SLC39A11: variants seen among roughly 807,000 people sequenced by gnomAD.
The protein encoded by SLC39A11 is zinc transporter ZIP11.
In SLC39A11, 33 loss-of-function variants were observed where a neutral mutation model predicts 36.1. The ratio of observed to expected loss-of-function variants is 0.91; its 90% confidence interval spans 0.69 to 1.22. The LOEUF is 1.22. Ranked by LOEUF, SLC39A11 falls within the 50% of genes most tolerant of loss-of-function variation. The pLI is 0.00. For missense variants in SLC39A11, 432 were observed against 430.3 expected (o/e 1.00, Z -0.03); for synonymous variants, 166 against 170.3 (o/e 0.97, Z 0.20).
rs544223560 is a variant in SLC39A11 at position 72,690,085 on chromosome 17, G to A, written c.672-40817C>T. ...ACTCTCCTTCCTCCTTCTGGGGAGC[G>A]TGTGTGATCCAGGAGTGACGCGCTG... On this transcript the variant is annotated intron_variant, in intron 7 of 9. Transcript: ENST00000255559. Among the ~76,000 whole-genome samples the A allele has an allele frequency of 6.0e-4, 92 of 152,316 alleles. 1 individual carries two copies. The South Asian group carries it at 0.017, about 29-fold the overall frequency.
intron 6 of SLC39A11, among the ~76,000 whole-genome samples, chr17:72,741,741 A>G (rs1031195207): frequency 6.6e-6 from 1 of 152,144 alleles, no homozygotes; most frequent in Non-Finnish European, 1.5e-5. Flanking sequence ...GGTCTGAGAG[A>G]CACAGGTGGG....
chr17:72,730,414 C>A (rs2074168317), intron 7 of SLC39A11, among the ~76,000 whole-genome samples: 1 of 152,138 alleles, frequency 6.6e-6, no homozygotes, highest in Non-Finnish European at 1.5e-5. Flanking sequence ...TAGCGTTTGC[C>A]TTGTATCTTT....
intron 5 of SLC39A11, among the ~76,000 whole-genome samples, chr17:72,902,428 C>A (rs1458730697): frequency 8.1e-6 from 1 of 123,632 alleles, no homozygotes; most frequent in Non-Finnish European, 1.7e-5. Context: ...AGTAAGGATT[C>A]TCTCCTTGAG....
chr17:72,822,331 G>T (rs141870561), intron 6 of SLC39A11, among the ~76,000 whole-genome samples: 4,810 of 147,796 alleles, frequency 0.033, 271 homozygotes, highest in Admixed American at 0.058. Flanking sequence ...TATATAGAGA[G>T]AGAGAGAGAA....
intron 3 of SLC39A11, among the ~76,000 whole-genome samples, chr17:73,081,391 C>A (rs956205031): frequency 6.6e-6 from 1 of 152,104 alleles, no homozygotes. Context: ...ACTAACACAA[C>A]CACTGTGGAA....
chr17:72,754,049 C>G (rs900640695), intron 6 of SLC39A11, among the ~76,000 whole-genome samples: 1 of 41,100 alleles, frequency 2.4e-5, no homozygotes, highest in African/African-American at 7.8e-5. Context: ...TATATATACA[C>G]ATACACACAC....
intron 5 of SLC39A11, among the ~76,000 whole-genome samples, chr17:72,902,263 C>T (rs1221371717): frequency 6.6e-6 from 1 of 150,382 alleles, no homozygotes; most frequent in African/African-American, 2.5e-5. Context: ...AAGAGCGAAG[C>T]TCTGTCTCCA....
chr17:72,783,545 A>G (rs1419060663), intron 6 of SLC39A11, among the ~76,000 whole-genome samples: 1 of 152,256 alleles, frequency 6.6e-6, no homozygotes, highest in Non-Finnish European at 1.5e-5. Flanking sequence ...CCTCAGCCAG[A>G]TGGCTGGAGG....
chr17:72,809,137 G>A (rs9894038), intron 6 of SLC39A11, among the ~76,000 whole-genome samples: 10,885 of 151,908 alleles, frequency 0.072, 442 homozygotes, highest in Non-Finnish European at 0.084. Context: ...TCTCTTCCCC[G>A]GAGGATATAA....
At chr17:72,706,851 C>T (rs2072911916) in intron 7 of SLC39A11, among the ~76,000 whole-genome samples, 1 of 152,196 alleles carries the variant, frequency 6.6e-6, no homozygotes, top group South Asian at 2.1e-4. Flanking sequence ...CAGCCCAACA[C>T]AATTCAAACA....
At chr17:72,992,009 T>C (rs1407546481) in intron 4 of SLC39A11, among the ~76,000 whole-genome samples, 1 of 152,210 alleles carries the variant, frequency 6.6e-6, no homozygotes, top group African/African-American at 2.4e-5. Context: ...ATACTGAATA[T>C]TGTCAAACCT....
chr17:72,994,995 G>C (rs2089417851), intron 4 of SLC39A11, among the ~76,000 whole-genome samples: 1 of 152,178 alleles, frequency 6.6e-6, no homozygotes. Flanking sequence ...TAGCCAGTTA[G>C]GCAGCCAACA....
chr17:72,998,873 C>T (rs954749550), intron 4 of SLC39A11, among the ~76,000 whole-genome samples: 4 of 152,166 alleles, frequency 2.6e-5, no homozygotes, highest in Non-Finnish European at 1.5e-5. Context: ...GAGATGGCGG[C>T]GTTTTCCGCA....
At chr17:72,667,731 A>C (rs1427733740) in intron 7 of SLC39A11, among the ~76,000 whole-genome samples, 2 of 152,236 alleles carry the variant, frequency 1.3e-5, no homozygotes, top group Non-Finnish European at 2.9e-5. Context: ...CATGGCAGGA[A>C]CACCAGCACT....
At chr17:73,090,531 G>C (rs184128921) in intron 1 of SLC39A11, among the ~76,000 whole-genome samples, 1 of 152,320 alleles carries the variant, frequency 6.6e-6, no homozygotes, top group East Asian at 1.9e-4. Context: ...TCTATTCCGA[G>C]TTGCTGTGGA....
intron 5 of SLC39A11, among the ~76,000 whole-genome samples, chr17:72,863,311 A>C (rs964471056): frequency 6.6e-6 from 1 of 152,072 alleles, no homozygotes; most frequent in Non-Finnish European, 1.5e-5. Flanking sequence ...CAGATTCCAT[A>C]ATCTCCCCCA....
At chr17:72,898,214 C>G (rs78677595) in intron 5 of SLC39A11, among the ~76,000 whole-genome samples, 5,790 of 152,188 alleles carry the variant, frequency 0.038, 396 homozygotes, top group African/African-American at 0.13. Flanking sequence ...CACATAGACA[C>G]GTGGAAGGAA....
At chr17:72,772,360 C>T (rs1306191982) in intron 6 of SLC39A11, among the ~76,000 whole-genome samples, 2 of 152,208 alleles carry the variant, frequency 1.3e-5, no homozygotes, top group Non-Finnish European at 2.9e-5. Flanking sequence ...CACATCTGCA[C>T]CCTTTATTTA....
chr17:73,022,737 G>A (rs575247907), intron 4 of SLC39A11, among the ~76,000 whole-genome samples: 1 of 152,038 alleles, frequency 6.6e-6, no homozygotes, highest in East Asian at 1.9e-4. Flanking sequence ...GGGAGGCTGT[G>A]GAATGCCTCC....
Sources: gnomAD v4.1 joint callset for allele counts (sites outside exome capture counted in the v4.1 genomes callset) on GRCh38, gnomAD v4.1.1 for gene constraint, MANE v1.5 for transcripts, NCBI Gene and HGNC (gene_info 2026-07-23, HGNC 2026-07-21) for gene names.